The following AGBL3 variants were observed in gnomAD, a reference collection of about 807,000 sequenced individuals.
AGBL3 encodes AGBL carboxypeptidase 3.
In AGBL3, 68 loss-of-function variants were observed where a neutral mutation model predicts 94.5. That is an observed-to-expected ratio of 0.72 (90% CI 0.59 to 0.88). The LOEUF is 0.88. AGBL3 is among the 40% of genes least tolerant of loss of function. The probability of loss-of-function intolerance (pLI) is 0.00; values close to 1 mark genes in which losing one functional copy is unlikely to be tolerated. For missense variants in AGBL3, 934 were observed against 1,103.8 expected (o/e 0.85, Z 2.18); for synonymous variants, 354 against 370.7 (o/e 0.95, Z 0.52).
In AGBL3 at chr7:135,134,839, A is replaced by G. The variant is rs530876622; in HGVS notation, c.2343-2A>G. 2 of 1,548,672 alleles carry G rather than the reference A, an allele frequency of 1.3e-6. No individual in the cohort carries two copies. The highest frequency in any genetic ancestry group is 2.7e-5 in the African/African-American group (2 of 72,974). ...AATTCACGTATTTCATTTCTTTTCT[A>G]GACTAAATCCGGCTACTTGCAGAAA... On this transcript the variant is annotated splice_acceptor_variant, in intron 16 of 16. Coordinates refer to ENST00000436302, the MANE Select transcript of AGBL3 (RefSeq NM_178563.4). LOFTEE classifies it high-confidence loss of function.
At chr7:135,132,472 AT>A (rs1199515698) in intron 16 of AGBL3, among the ~76,000 whole-genome samples, 16 of 152,200 alleles carry the variant, frequency 1.1e-4, no homozygotes, top group African/African-American at 3.9e-4. Context: ...GTACCCATCC[AT>A]GATAAAAAGT....
intron 15 of AGBL3, among the ~76,000 whole-genome samples, chr7:135,103,875 G>A (rs1429908604): frequency 6.6e-6 from 1 of 151,546 alleles, no homozygotes; most frequent in Admixed American, 6.6e-5. Flanking sequence ...TGCTTCAACT[G>A]CTTTATTTTT....
Position 135,005,379 on chromosome 7 carries a change from ATTAC to A in AGBL3, c.311-11669_311-11666del, listed in dbSNP as rs1273404420. Among the ~76,000 whole-genome samples the A allele has an allele frequency of 3.9e-5, 6 of 151,928 alleles. No individual in the cohort carries two copies. The East Asian group carries it at 9.6e-4, about 24-fold the overall frequency. ...TTACTGTTATAATTACTTTTTAAAAATTACTTAGGTGTAAATCTAACAAAACATG... is the reference window on the plus strand; with the variant it reads ...TTACTGTTATAATTACTTTTTAAAAATTAGGTGTAAATCTAACAAAACATG... On this transcript the variant is annotated intron_variant, in intron 4 of 16. Coordinates refer to ENST00000436302, the MANE Select transcript of AGBL3 (RefSeq NM_178563.4).
At position 135,115,522 on chromosome 7, in the gene AGBL3, G is replaced by A. The variant is rs990542986; in HGVS notation, c.2253G>A (p.Leu751=). Residue 751 remains leucine, a synonymous_variant, in exon 16 of 17, where the codon TTG becomes TTA. Transcript: ENST00000436302. Reference sequence around the variant, plus strand: ...AAACTCAAGAAATATTGCAGTATTTGCTCCCCATCGTGCATAGCACTAAAA... The same window carrying A: ...AAACTCAAGAAATATTGCAGTATTTACTCCCCATCGTGCATAGCACTAAAA... The part of the protein sequence containing the change: ...IVQTQEILQY[L]LPIVHSTKNM... The A allele has an allele frequency of 1.2e-5, 18 of 1,551,364 alleles. No individual in the cohort carries two copies. The highest frequency in any genetic ancestry group is 2.4e-5 in the South Asian group (2 of 84,060).
intron 3 of AGBL3, among the ~76,000 whole-genome samples, chr7:134,991,971 A>C (rs1344421709): frequency 6.6e-6 from 1 of 152,216 alleles, no homozygotes; most frequent in Non-Finnish European, 1.5e-5. Context: ...TTAACTCTAC[A>C]GTCTGCTCTT....
intron 16 of AGBL3, among the ~76,000 whole-genome samples, chr7:135,118,455 T>A (rs1270072477): frequency 6.6e-6 from 1 of 152,152 alleles, no homozygotes; most frequent in Non-Finnish European, 1.5e-5. Context: ...CTGGTGTCAA[T>A]GGGGTCCAGA....
At chr7:135,080,639 TAGA>T (rs557440180) in intron 14 of AGBL3, among the ~76,000 whole-genome samples, 271 of 152,218 alleles carry the variant, frequency 1.8e-3, no homozygotes, top group African/African-American at 6.1e-3. Flanking sequence ...TGTAATTTAG[TAGA>T]AGATAAGCCC....
intron 4 of AGBL3, among the ~76,000 whole-genome samples, chr7:135,009,490 ATT>A (rs66520923): frequency 6.6e-6 from 1 of 151,938 alleles, no homozygotes; most frequent in Non-Finnish European, 1.5e-5. Context: ...TAGTGTTGGG[ATT>A]TTTTTTGATT....
intron 15 of AGBL3, among the ~76,000 whole-genome samples, chr7:135,112,951 AT>A (rs1825848720): frequency 6.6e-6 from 1 of 152,000 alleles, no homozygotes; most frequent in African/African-American, 2.4e-5. Flanking sequence ...TAATTTTTGT[AT>A]TTTTAGTAGA....
intron 4 of AGBL3, among the ~76,000 whole-genome samples, chr7:135,006,891 G>A (rs1280288159): frequency 6.6e-6 from 1 of 151,864 alleles, no homozygotes; most frequent in Admixed American, 6.6e-5. Context: ...TCAATTAGAT[G>A]AGAACCAGAT....
At chr7:135,074,929 T>C (rs1400510737) in intron 12 of AGBL3, among the ~76,000 whole-genome samples, 1 of 150,630 alleles carries the variant, frequency 6.6e-6, no homozygotes, top group Non-Finnish European at 1.5e-5. Context: ...GATATTTTTC[T>C]AGCATTATAA....
At chr7:135,063,289 T>A (rs957574840) in intron 12 of AGBL3, among the ~76,000 whole-genome samples, 16 of 152,152 alleles carry the variant, frequency 1.1e-4, no homozygotes, top group South Asian at 4.1e-4. Flanking sequence ...TTTCTTTTTT[T>A]AAAAACAAAA....
chr7:135,069,445 C>A (rs1297242828), intron 12 of AGBL3, among the ~76,000 whole-genome samples: 2 of 152,168 alleles, frequency 1.3e-5, no homozygotes, highest in Admixed American at 6.5e-5. Flanking sequence ...CCACACCACA[C>A]CTATTCCAAA....
intron 11 of AGBL3, among the ~76,000 whole-genome samples, chr7:135,047,960 CT>C (rs1482847698): frequency 6.6e-6 from 1 of 151,902 alleles, no homozygotes; most frequent in African/African-American, 2.4e-5. Flanking sequence ...CGCCATGGAG[CT>C]TTTCCCCTAC....
intron 16 of AGBL3, among the ~76,000 whole-genome samples, chr7:135,134,029 TA>T (rs1416131102): frequency 6.6e-6 from 1 of 151,826 alleles, no homozygotes; most frequent in Non-Finnish European, 1.5e-5. Context: ...AACAAAATAA[TA>T]TAACTTGATA....
intron 13 of AGBL3, among the ~76,000 whole-genome samples, chr7:135,078,975 A>T (rs972170562): frequency 1.3e-5 from 2 of 152,228 alleles, no homozygotes; most frequent in Middle Eastern, 3.2e-3. Context: ...AAATTATTTT[A>T]AAAATATTTC....
chr7:135,037,572 C>G lies in AGBL3; in HGVS notation c.1492C>G (p.Pro498Ala). Reference sequence around the variant, plus strand: ...CCCACTTATGCTAAGCAAAAATTGTCCAGATAAAGTAAGCACCTTTTAAGG... The same window carrying G: ...CCCACTTATGCTAAGCAAAAATTGTGCAGATAAAGTAAGCACCTTTTAAGG... Reference protein sequence around the residue: ...IFPLMLSKNCPDKFSFSACKF... With the variant: ...IFPLMLSKNCADKFSFSACKF... The change falls in exon 8 of 17, where the codon CCA becomes GCA. Residue 498 changes from proline to alanine, a missense_variant. By Grantham distance (27) the Pro-to-Ala change is conservative. Transcript: ENST00000436302. 2.1e-5 allele frequency: 32 copies of G among 1,537,532 alleles called. No homozygotes were observed. The highest frequency in any genetic ancestry group is 2.7e-5 in the Non-Finnish European group (31 of 1,141,458).
chr7:135,103,818 G>A (rs78463102), intron 15 of AGBL3, among the ~76,000 whole-genome samples: 7,712 of 151,960 alleles, frequency 0.051, 260 homozygotes, highest in Non-Finnish European at 0.08. Context: ...CCTCATCCAC[G>A]TCTCTATCAC....
intron 15 of AGBL3, among the ~76,000 whole-genome samples, chr7:135,112,075 T>A (rs2117148485): frequency 6.6e-6 from 1 of 152,326 alleles, no homozygotes; most frequent in South Asian, 2.1e-4. Flanking sequence ...ACACTTCTGT[T>A]TTTTGGTCTT....
Sources: allele counts gnomAD v4.1 joint callset (sites outside exome capture counted in the v4.1 genomes callset), GRCh38; gene constraint gnomAD v4.1.1; transcripts MANE v1.5; gene names NCBI Gene and HGNC (gene_info 2026-07-23, HGNC 2026-07-21).